The following TENM3 variants were observed in gnomAD, a reference collection of about 807,000 sequenced individuals.
TENM3 encodes the protein teneurin-3.
In TENM3, 63 loss-of-function variants were observed where a neutral mutation model predicts 255.1. The ratio of observed to expected loss-of-function variants is 0.25; its 90% confidence interval spans 0.20 to 0.30. The LOEUF is 0.30. Ranked by LOEUF, TENM3 falls within the 10% of genes least tolerant of loss-of-function variation. The pLI is 1.00. For missense variants in TENM3, 2,929 were observed against 3,461.1 expected, an observed-to-expected ratio of 0.85 and a Z score of 3.86; for synonymous variants, 1,306 against 1,322.3, an observed-to-expected ratio of 0.99 and a Z score of 0.27.
intron 17 of TENM3, among the ~76,000 whole-genome samples, chr4:182,737,590 A>G (rs1338860994): frequency 6.6e-6 from 1 of 152,202 alleles, no homozygotes; most frequent in Non-Finnish European, 1.5e-5. Flanking sequence ...GTTTTATTGA[A>G]TGACTGAACA....
chr4:182,204,820 A>C (rs1754442868), intron 1 of TENM3, among the ~76,000 whole-genome samples: 1 of 152,232 alleles, frequency 6.6e-6, no homozygotes, highest in Non-Finnish European at 1.5e-5. Flanking sequence ...TGTTCAATGA[A>C]GATTACAGCT....
At chr4:181,815,462 C>CAAAAAAAAA in the TENM3 span, among the ~76,000 whole-genome samples, 4,310 of 81,636 alleles carry the variant, frequency 0.053, 250 homozygotes, top group African/African-American at 0.065. Context: ...GACTCCCTAT[C>CAAAAAAAAA]AAAAAAAAAA....
chr4:182,256,790 C>G (rs1758433257), intron 1 of TENM3, among the ~76,000 whole-genome samples: 1 of 151,854 alleles, frequency 6.6e-6, no homozygotes, highest in Non-Finnish European at 1.5e-5. Flanking sequence ...GGAGCATTTC[C>G]ACTTGTAATA....
At chr4:181,767,212 A>G in the TENM3 span, among the ~76,000 whole-genome samples, 2 of 146,046 alleles carry the variant, frequency 1.4e-5, no homozygotes, top group Non-Finnish European at 3.0e-5. Context: ...AGAAGGTGCC[A>G]CTGCGCTCCA....
intron 5 of TENM3, 99 bp from the exon 6 acceptor site, chr4:182,653,672 T>C: frequency 1.5e-6 from 2 of 1,336,926 alleles, no homozygotes; most frequent in Admixed American, 2.9e-5. Flanking sequence ...AAATGGAAAT[T>C]GTAACTTTAC....
At chr4:182,688,458 C>T in intron 12 of TENM3, 107 bp downstream of exon 12, 1 of 867,926 alleles carries the variant, frequency 1.2e-6, no homozygotes, top group African/African-American at 1.8e-5. Flanking sequence ...TTATTTTTTA[C>T]TTGTCTTTCT....
At chr4:182,704,631 T>G (rs1405268889) in intron 12 of TENM3, among the ~76,000 whole-genome samples, 3 of 152,200 alleles carry the variant, frequency 2.0e-5, no homozygotes, top group African/African-American at 7.2e-5. Flanking sequence ...GGTATTTTGC[T>G]TGGGTAGGTG....
intron 1 of TENM3, among the ~76,000 whole-genome samples, chr4:182,293,322 C>T (rs1761242849): frequency 6.6e-6 from 1 of 152,134 alleles, no homozygotes; most frequent in Admixed American, 6.5e-5. Flanking sequence ...CTAACAGTGG[C>T]ACCAGAAACG....
intron 13 of TENM3, among the ~76,000 whole-genome samples, chr4:182,719,800 C>A (rs1202904977): frequency 6.6e-6 from 1 of 152,140 alleles, no homozygotes; most frequent in African/African-American, 2.4e-5. Context: ...GTGGCTCATA[C>A]CTGTAATCCT....
chr4:182,513,301 A>G (rs1737598713), intron 3 of TENM3, among the ~76,000 whole-genome samples: 1 of 152,232 alleles, frequency 6.6e-6, no homozygotes, highest in African/African-American at 2.4e-5. Flanking sequence ...CAAAACAGCT[A>G]CATCTTTACT....
intron 1 of TENM3, among the ~76,000 whole-genome samples, chr4:182,193,695 T>G (rs1195957374): frequency 6.6e-6 from 1 of 152,256 alleles, no homozygotes; most frequent in Non-Finnish European, 1.5e-5. Flanking sequence ...CCTATTTGGG[T>G]AGATGTGGAT....
intron 1 of TENM3, among the ~76,000 whole-genome samples, chr4:182,206,347 T>TG (rs1473791309): frequency 6.6e-6 from 1 of 152,174 alleles, no homozygotes; most frequent in African/African-American, 2.4e-5. Context: ...GCTCTTAAAA[T>TG]GGTAAGTGCC....
the TENM3 span, among the ~76,000 whole-genome samples, chr4:181,507,942 G>C: frequency 6.6e-6 from 1 of 152,136 alleles, no homozygotes; most frequent in Admixed American, 6.5e-5. Flanking sequence ...ATCTGCTTTT[G>C]TTTGATGTAG....
At chr4:182,100,152 C>A in the TENM3 span, among the ~76,000 whole-genome samples, 1 of 152,022 alleles carries the variant, frequency 6.6e-6, no homozygotes. Context: ...CCACCAAGAC[C>A]ACCAAGAAAA....
the TENM3 span, among the ~76,000 whole-genome samples, chr4:181,516,030 A>G: frequency 1.3e-5 from 2 of 152,228 alleles, no homozygotes; most frequent in Admixed American, 6.5e-5. Flanking sequence ...AAGAAACAAT[A>G]TCATGTCCTT....
At chr4:182,389,714 C>T (rs1241654969) in intron 3 of TENM3, among the ~76,000 whole-genome samples, 1 of 70,686 alleles carries the variant, frequency 1.4e-5, no homozygotes, top group Non-Finnish European at 2.9e-5. Flanking sequence ...GAGACGGAGT[C>T]TCGCTCTGTC....
At chr4:181,521,166 A>G in the TENM3 span, among the ~76,000 whole-genome samples, 2 of 152,216 alleles carry the variant, frequency 1.3e-5, no homozygotes, top group East Asian at 3.9e-4. Flanking sequence ...TCAGCTCTTT[A>G]CATCTGAGAC....
rs144239354 is a variant in TENM3, at chr4:182,714,886, T to G, written c.2368+653T>G. On this transcript the variant is annotated intron_variant, in intron 13 of 27. Transcript: ENST00000511685. ...AGTTGGCCCTGATAGCTGTTTTGTT[T>G]TGTTTTTTGTTTTTTGAGATAGAGT... 5.1e-4 allele frequency among the ~76,000 whole-genome samples: 78 copies of G among 152,264 alleles called. 1 individual carries two copies. Among genetic ancestry groups the G allele is most frequent in the African/African-American group, 1.7e-3 (72 of 41,556 alleles).
chr4:182,028,808 T>C, the TENM3 span, among the ~76,000 whole-genome samples: 1 of 152,214 alleles, frequency 6.6e-6, no homozygotes, highest in Non-Finnish European at 1.5e-5. Context: ...TTGGAGAAGA[T>C]GCTTGATATT....
Sources: gnomAD v4.1 joint callset for allele counts (sites outside exome capture counted in the v4.1 genomes callset) on GRCh38, gnomAD v4.1.1 for gene constraint, MANE v1.5 for transcripts, NCBI Gene and HGNC (gene_info 2026-07-23, HGNC 2026-07-21) for gene names.